SEZ6L: variants seen among roughly 807,000 people sequenced by gnomAD.
SEZ6L encodes seizure 6-like protein.
Under a neutral mutation model 106.2 loss-of-function variants are expected in SEZ6L, and 37 were observed. The observed-to-expected ratio is 0.35, with a 90% CI of 0.27 to 0.46. The LOEUF is 0.46. SEZ6L is among the 20% of genes least tolerant of loss of function. The pLI is 1.00. For synonymous variants in SEZ6L, 541 were observed against 570.4 expected (o/e 0.95, Z 0.73); for missense variants, 1,172 against 1,332.8 (o/e 0.88, Z 1.88).
chr22:26,348,642 AAGAAAAAGAAAGAAAG>A (rs1252985480), intron 11 of SEZ6L, among the ~76,000 whole-genome samples: 111 of 31,110 alleles, frequency 3.6e-3, no homozygotes, highest in Non-Finnish European at 4.3e-3. Context: ...GAAAGAAAGA[AAGAAAAAGAAAGAAAG>A]AAAGAAAGAA....
chr22:26,252,475 A>G (rs5761446), intron 1 of SEZ6L, among the ~76,000 whole-genome samples: 19,459 of 152,218 alleles, frequency 0.13, 1,673 homozygotes, highest in East Asian at 0.35. Context: ...TTACATGGGT[A>G]TGGTACATGA....
chr22:26,334,189 C>CAATA (rs1449390218), intron 9 of SEZ6L, among the ~76,000 whole-genome samples: 2 of 152,056 alleles, frequency 1.3e-5, no homozygotes, highest in African/African-American at 4.8e-5. Flanking sequence ...GATACATTTA[C>CAATA]AATATTGTGC....
At chr22:26,268,425 A>G (rs1279765605) in intron 1 of SEZ6L, among the ~76,000 whole-genome samples, 1 of 152,230 alleles carries the variant, frequency 6.6e-6, no homozygotes, top group African/African-American at 2.4e-5. Flanking sequence ...CCAAGGTCAC[A>G]CAACTGTTAA....
intron 1 of SEZ6L, among the ~76,000 whole-genome samples, chr22:26,240,737 A>C (rs1385988036): frequency 6.6e-6 from 1 of 152,134 alleles, no homozygotes; most frequent in Non-Finnish European, 1.5e-5. Context: ...AAAGGCCATA[A>C]ATCCTTGCCC....
At chr22:26,220,298 T>G (rs953200362) in intron 1 of SEZ6L, among the ~76,000 whole-genome samples, 1 of 152,234 alleles carries the variant, frequency 6.6e-6, no homozygotes, top group African/African-American at 2.4e-5. Flanking sequence ...TGAACAAGAC[T>G]GGCAAAACCC....
intron 12 of SEZ6L, among the ~76,000 whole-genome samples, chr22:26,353,497 T>C (rs576653338): frequency 6.6e-6 from 1 of 152,212 alleles, no homozygotes; most frequent in South Asian, 2.1e-4. Flanking sequence ...TATGTGTGTA[T>C]TTATACACAC....
intron 1 of SEZ6L, among the ~76,000 whole-genome samples, chr22:26,205,436 A>T (rs1941226113): frequency 6.6e-6 from 1 of 152,200 alleles, no homozygotes; most frequent in South Asian, 2.1e-4. Flanking sequence ...CTTCTTCCTC[A>T]GGTTTACCTT....
At position 26,250,777 on chromosome 22, in the gene SEZ6L, T is replaced by C. The variant is rs945454708; in HGVS notation, c.95-41629T>C. Among the ~76,000 whole-genome samples the C allele has an allele frequency of 2.0e-5, 3 of 152,228 alleles. No individual in the cohort carries two copies. The South Asian group carries it at 6.2e-4, about 31-fold the overall frequency. On this transcript the variant is annotated intron_variant, in intron 1 of 16. Coordinates refer to ENST00000248933, the MANE Select transcript of SEZ6L (RefSeq NM_021115.5). ...ATAGTCATTTTCACAATATTAATTATTTCAATTCATGAATATGGGATGTCT... is the reference window on the plus strand; with the variant it reads ...ATAGTCATTTTCACAATATTAATTACTTCAATTCATGAATATGGGATGTCT...
chr22:26,314,014 C>A, intron 9 of SEZ6L, 112 bp downstream of exon 9: 1 of 1,123,892 alleles, frequency 8.9e-7, no homozygotes, highest in Non-Finnish European at 1.3e-6. Flanking sequence ...CTACTATGTG[C>A]CGGGACTATG....
chr22:26,377,832 C>A, intron 16 of SEZ6L, 57 bp downstream of exon 16: 1 of 1,269,302 alleles, frequency 7.9e-7, no homozygotes, highest in Non-Finnish European at 1.2e-6. Context: ...CTGAATTCAC[C>A]AACAATAAGA....
At chr22:26,247,112 A>G (rs921424428) in intron 1 of SEZ6L, among the ~76,000 whole-genome samples, 2 of 152,178 alleles carry the variant, frequency 1.3e-5, no homozygotes, top group African/African-American at 4.8e-5. Context: ...ATGATGTGAA[A>G]TGACTGCCTG....
chr22:26,229,243 C>T (rs956526270), intron 1 of SEZ6L, among the ~76,000 whole-genome samples: 7 of 152,192 alleles, frequency 4.6e-5, no homozygotes, highest in South Asian at 2.1e-4. Context: ...GTGATCCACC[C>T]GCCTTGGTCT....
At chr22:26,337,518 CT>C (rs1393608631) in intron 9 of SEZ6L, among the ~76,000 whole-genome samples, 1 of 152,176 alleles carries the variant, frequency 6.6e-6, no homozygotes, top group Non-Finnish European at 1.5e-5. Flanking sequence ...TAAAGAGGCC[CT>C]CCCCTACTAC....
intron 1 of SEZ6L, among the ~76,000 whole-genome samples, chr22:26,244,023 C>T (rs991357308): frequency 3.9e-5 from 6 of 152,024 alleles, no homozygotes; most frequent in Non-Finnish European, 8.8e-5. Flanking sequence ...ATTAGCCAGA[C>T]ATGGTGGCAC....
Position 26,240,982 on chromosome 22 carries a change from G to A in SEZ6L, c.95-51424G>A, listed in dbSNP as rs143191713. 7.8e-4 allele frequency among the ~76,000 whole-genome samples: 119 copies of A among 152,202 alleles called. 2 individuals carry two copies. In the Middle Eastern group the frequency reaches 0.017, roughly 22 times the overall value. On this transcript the variant is annotated intron_variant, in intron 1 of 16. Transcript: ENST00000248933. The stretch of plus-strand genomic sequence containing the variant: ...CATTTGCCAGAGGCAGACAGAGGAG[G>A]GCAATGGACAGTAGGCGTCCATGCA...
intron 9 of SEZ6L, among the ~76,000 whole-genome samples, chr22:26,320,240 T>G (rs2082117466): frequency 6.6e-6 from 1 of 151,976 alleles, no homozygotes. Context: ...GCTGGCAGAG[T>G]TCAGGGCCAA....
intron 1 of SEZ6L, among the ~76,000 whole-genome samples, chr22:26,230,358 C>G (rs549825403): frequency 6.6e-6 from 1 of 152,126 alleles, no homozygotes; most frequent in Non-Finnish European, 1.5e-5. Flanking sequence ...TCCATGCAGC[C>G]TGCCTTGACT....
At chr22:26,287,920 T>C (rs1260128413) in intron 1 of SEZ6L, among the ~76,000 whole-genome samples, 1 of 152,160 alleles carries the variant, frequency 6.6e-6, no homozygotes, top group Non-Finnish European at 1.5e-5. Context: ...TCCTTGATGG[T>C]CAGGTTTTCA....
intron 13 of SEZ6L, among the ~76,000 whole-genome samples, chr22:26,371,718 C>A (rs953924902): frequency 6.6e-6 from 1 of 151,676 alleles, no homozygotes; most frequent in Non-Finnish European, 1.5e-5. Flanking sequence ...TGCAGGTGAT[C>A]CCTGAAACCT....
Sources: gnomAD v4.1 joint callset for allele counts (sites outside exome capture counted in the v4.1 genomes callset) on GRCh38, gnomAD v4.1.1 for gene constraint, MANE v1.5 for transcripts, NCBI Gene and HGNC (gene_info 2026-07-23, HGNC 2026-07-21) for gene names.